MAP3K14: variants seen among roughly 807,000 people sequenced by gnomAD.
The protein encoded by MAP3K14 is NF-kappa-beta-inducing kinase.
MAP3K14 carries 16 observed loss-of-function variants against 99.2 expected under a neutral mutation model. The observed-to-expected ratio is 0.16, with a 90% confidence interval of 0.11 to 0.24. The LOEUF is 0.24. MAP3K14 is among the 10% of genes least tolerant of loss of function. The pLI, the probability that MAP3K14 is intolerant of heterozygous loss-of-function variation, is 1.00. For missense variants in MAP3K14, 784 were observed against 1,208.7 expected, an observed-to-expected ratio of 0.65 and a Z score of 5.21; for synonymous variants, 462 against 492.4, an observed-to-expected ratio of 0.94 and a Z score of 0.82.
intron 1 of MAP3K14, among the ~76,000 whole-genome samples, chr17:45,301,232 G>A (rs2044385868): frequency 6.6e-6 from 1 of 151,538 alleles, no homozygotes; most frequent in South Asian, 2.1e-4. Flanking sequence ...GGGAGGCCGA[G>A]GCAGGCAGAT....
intron 9 of MAP3K14, among the ~76,000 whole-genome samples, chr17:45,273,139 A>G (rs2044152544): frequency 3.9e-5 from 6 of 152,146 alleles, no homozygotes; most frequent in Admixed American, 3.9e-4. Flanking sequence ...CTGTGCTTCC[A>G]GCCAACCGTG....
chr17:45,268,892 G>A (rs2044119919), intron 11 of MAP3K14, among the ~76,000 whole-genome samples: 1 of 152,116 alleles, frequency 6.6e-6, no homozygotes, highest in Non-Finnish European at 1.5e-5. Context: ...GTGCAGCCAG[G>A]TGCCCCCCCA....
intron 11 of MAP3K14, chr17:45,268,203 T>C (rs2044112178): frequency 6.2e-6 from 1 of 161,326 alleles, no homozygotes; most frequent in Non-Finnish European, 1.3e-5. Flanking sequence ...GGCATGGGGC[T>C]AGTTCAGCCC....
chr17:45,266,008 A>G (rs1202258918), intron 14 of MAP3K14, among the ~76,000 whole-genome samples: 1 of 152,260 alleles, frequency 6.6e-6, no homozygotes, highest in Non-Finnish European at 1.5e-5. Flanking sequence ...CCCTGATGCC[A>G]TGAGTCACAC....
At position 45,273,829 on chromosome 17, in the gene MAP3K14, G is replaced by A; in HGVS notation, c.1553-222C>T. 5 of 654,014 alleles carry A rather than the reference G, an allele frequency of 7.6e-6. No homozygotes were observed. The South Asian group carries it at 8.5e-5, about 11-fold the overall frequency. The allele number at this position is 654,014 out of a possible 1,614,324, so 40.5% of individuals were successfully genotyped here. A position where few individuals can be genotyped will look rare whatever the true frequency, so the allele number is the denominator to read the frequency against. ...TCTGAGGGCAAAGGGACAGGAGCAG[G>A]GTTTACTCGGGAACGCTGCCACTCT... On this transcript the variant is annotated intron_variant, in intron 8 of 15. Coordinates refer to ENST00000344686, the MANE Select transcript of MAP3K14 (RefSeq NM_003954.5).
At position 45,286,299 on chromosome 17, in the gene MAP3K14, T is replaced by G. The variant is rs1266196844; in HGVS notation, c.1152+132A>C. The G allele has an allele frequency of 1.7e-6, 2 of 1,152,114 alleles. No individual in the cohort carries two copies. Among genetic ancestry groups the G allele is most frequent in the African/African-American group, 1.6e-5 (1 of 63,956 alleles). 71.4% of individuals were successfully genotyped at this position (1,152,114 alleles called of 1,614,324 possible). The stretch of plus-strand genomic sequence containing the variant: ...AGATTGGCGGAATAAGAGATGATAC[T>G]TTTCATCCACAATGAGCACTGTCCT... On this transcript the variant is annotated intron_variant, in intron 5 of 15. Transcript: ENST00000344686. This position sits in a 1 kb window ranked among gnomAD's most constrained non-coding sequence, Gnocchi z 4.1.
At position 45,267,491 on chromosome 17, in the gene MAP3K14, G is replaced by A. The variant is rs549267740; in HGVS notation, c.2241C>T (p.Ser747=). The change falls in exon 12 of 16, where the codon TCC becomes TCT. Residue 747 remains serine (S), a synonymous_variant. Coordinates refer to ENST00000344686, the MANE Select transcript of MAP3K14 (RefSeq NM_003954.5). This position sits in a 1 kb window ranked among gnomAD's most constrained non-coding sequence, Gnocchi z 5.1. The part of the protein sequence containing the change: ...SGMWEPLPLS[S]LEPAPARNPS... The stretch of plus-strand genomic sequence containing the variant: ...GGTTTCTGGCAGGGGCTGGCTCCAG[G>A]GAGGACAGAGGTAAGGGTTCCCACA... 8 of 1,612,506 alleles carry A rather than the reference G, an allele frequency of 5.0e-6. No individual in the cohort carries two copies. In the East Asian group the frequency reaches 1.8e-4, roughly 36 times the overall value.
At position 45,274,540 on chromosome 17, in the gene MAP3K14, G is replaced by A. The variant is rs186554735; in HGVS notation, c.1344C>T (p.Thr448=). Residue 448 remains threonine, a synonymous_variant, in exon 7 of 16, where the codon ACC becomes ACT. Transcript: ENST00000344686. ...AEELMACAGL[T]SPRIVPLYGA... ...CATACAAAGGGACAATTCTGGGTGA[G>A]GTCAATCCTGCACATGCCATCAGCT... is the stretch of plus-strand genomic sequence containing the variant. The A allele has an allele frequency of 1.2e-6, 2 of 1,613,958 alleles. No homozygotes were observed. Among genetic ancestry groups the A allele is most frequent in the East Asian group, 2.2e-5 (1 of 44,876 alleles).
At chr17:45,308,030 C>T (rs1308752391) in intron 1 of MAP3K14, among the ~76,000 whole-genome samples, 3 of 152,186 alleles carry the variant, frequency 2.0e-5, no homozygotes, top group South Asian at 2.1e-4. Flanking sequence ...TTCTTGTCCT[C>T]CCTTGGGAAG....
chr17:45,269,250 G>A (rs1451837922), intron 11 of MAP3K14, among the ~76,000 whole-genome samples: 6 of 152,054 alleles, frequency 3.9e-5, no homozygotes, highest in African/African-American at 1.4e-4. Flanking sequence ...GGCCTCAAGC[G>A]ATCCTCCTGC....
Position 45,267,773 on chromosome 17 carries a change from A to G in MAP3K14, c.1973-14T>C. The G allele has an allele frequency of 6.3e-7, 1 of 1,597,870 alleles. No individual in the cohort carries two copies. Among genetic ancestry groups the G allele is most frequent in the Non-Finnish European group, 8.5e-7 (1 of 1,175,002 alleles). ...TCAGACCTCCCACTAGAAAACAGAG[A>G]GTACAATGGTGAGGGGAAGCGTGCT... On this transcript the variant is annotated splice_polypyrimidine_tract_variant and intron_variant, in intron 11 of 15. Transcript: ENST00000344686. The surrounding 1 kb of genome is among the most constrained non-coding windows in gnomAD (Gnocchi z 5.1).
chr17:45,276,183 T>G (rs1598248094), intron 6 of MAP3K14, among the ~76,000 whole-genome samples: 1 of 152,008 alleles, frequency 6.6e-6, no homozygotes, highest in Middle Eastern at 3.4e-3. Context: ...TTCTGGGGAG[T>G]GGCCAAGGCC....
chr17:45,287,199 G>T lies in MAP3K14; in HGVS notation c.492C>A (p.Pro164=). 2 of 1,613,970 alleles carry T rather than the reference G, an allele frequency of 1.2e-6. No homozygotes were observed. Among genetic ancestry groups the T allele is most frequent in the South Asian group, 1.1e-5 (1 of 91,084 alleles). Residue 164 remains proline (P), a synonymous_variant, in exon 4 of 16, where the codon CCC becomes CCA. Transcript: ENST00000344686. ...TCTCCTGCTCAGGGGTCCTGGGGAG[G>T]GGTTTGGCCAAGGCCACTCCTGCAT... ...LAHAGVALAK[P]LPRTPEQESC...
chr17:45,264,770 T>C lies in MAP3K14; in HGVS notation c.2710A>G (p.Lys904Glu). The stretch of plus-strand genomic sequence containing the variant: ...TCGTAGCGAACAGGCTGCCCGTCTT[T>C]GGTGACCAAGCTGAAGGCTGCAGCT... ...IPAAAFSLVT[K>E]DGQPVRYDME... Residue 904 changes from lysine (K) to glutamate (E), a missense_variant, in exon 16 of 16, where the codon AAA (lysine) becomes GAA (glutamate). Lys to Glu is a moderately conservative substitution (Grantham distance 56). Coordinates refer to ENST00000344686, the MANE Select transcript of MAP3K14 (RefSeq NM_003954.5). 1 of 1,613,496 alleles carries C rather than the reference T, an allele frequency of 6.2e-7. No individual in the cohort carries two copies. Among genetic ancestry groups the C allele is most frequent in the Non-Finnish European group, 8.5e-7 (1 of 1,179,726 alleles).
chr17:45,298,051 A>G (rs1354824723), intron 1 of MAP3K14, among the ~76,000 whole-genome samples: 1 of 152,186 alleles, frequency 6.6e-6, no homozygotes, highest in East Asian at 1.9e-4. Context: ...GAAAATCTAG[A>G]CACCAACAAT....
Position 45,284,965 on chromosome 17 carries a change from G to T in MAP3K14, c.1153-16C>A, listed in dbSNP as rs1488394583. On this transcript the variant is annotated splice_polypyrimidine_tract_variant and intron_variant, in intron 5 of 15. Coordinates refer to ENST00000344686, the MANE Select transcript of MAP3K14 (RefSeq NM_003954.5). ...GCTTGAGTTTCTGGGGTTGGCAGGAGAGAGAGGACAGTTTCAGTGGCCAGG... is the reference window on the plus strand; with the variant it reads ...GCTTGAGTTTCTGGGGTTGGCAGGATAGAGAGGACAGTTTCAGTGGCCAGG... 2 of 1,550,836 alleles carry T rather than the reference G, an allele frequency of 1.3e-6. No individual in the cohort carries two copies. The highest frequency in any genetic ancestry group is 1.2e-5 in the South Asian group (1 of 84,002).
intron 1 of MAP3K14, among the ~76,000 whole-genome samples, chr17:45,298,540 C>T (rs1038177879): frequency 2.0e-5 from 3 of 152,152 alleles, no homozygotes; most frequent in African/African-American, 7.2e-5. Context: ...AAGTAATATT[C>T]GTATCAGACA....
intron 1 of MAP3K14, among the ~76,000 whole-genome samples, chr17:45,308,982 A>T (rs966081456): frequency 9.0e-6 from 1 of 111,174 alleles, no homozygotes; most frequent in Non-Finnish European, 1.8e-5. Context: ...CAGCTAGTTT[A>T]AAAAAATTTT....
intron 1 of MAP3K14, among the ~76,000 whole-genome samples, chr17:45,310,484 A>C (rs1284729457): frequency 2.6e-5 from 4 of 152,174 alleles, no homozygotes; most frequent in Non-Finnish European, 4.4e-5. Context: ...ATGTCAGTAG[A>C]AGGTGGGTGG....
Sources: allele counts gnomAD v4.1 joint callset (sites outside exome capture counted in the v4.1 genomes callset), GRCh38; gene constraint gnomAD v4.1.1; non-coding constraint Gnocchi (gnomAD v3.1); transcripts MANE v1.5; gene names NCBI Gene and HGNC (gene_info 2026-07-23, HGNC 2026-07-21).